The following TASOR variants were observed in gnomAD, a reference collection of about 807,000 sequenced individuals.
TASOR encodes transcription activation suppressor.
Under a neutral mutation model 178.6 loss-of-function variants are expected in TASOR, and 53 were observed. The observed-to-expected ratio is 0.30, with a 90% CI of 0.24 to 0.37. The LOEUF is 0.37. Among genes scored for constraint, TASOR ranks in the 10% least tolerant of loss-of-function variants. TASOR has a pLI of 1.00. For synonymous variants in TASOR, 713 were observed against 696.2 expected (o/e 1.02, Z -0.38); for missense variants, 1,815 against 1,971.4 (o/e 0.92, Z 1.50).
intron 8 of TASOR, 62 bp from the exon 9 acceptor site, chr3:56,662,552 C>A: frequency 2.5e-5 from 17 of 680,374 alleles, no homozygotes; most frequent in South Asian, 6.4e-5. Flanking sequence ...AGTGAGTGCA[C>A]ATTTATTAGA....
intron 5 of TASOR, 115 bp downstream of exon 5, chr3:56,669,585 C>T: frequency 1.6e-6 from 1 of 625,458 alleles, no homozygotes; most frequent in Non-Finnish European, 2.7e-6. Context: ...TCTTTAAGTA[C>T]CAAACACTAA....
At chr3:56,661,978 A>AC (rs1482721077) in intron 9 of TASOR, among the ~76,000 whole-genome samples, 1 of 151,390 alleles carries the variant, frequency 6.6e-6, no homozygotes, top group Non-Finnish European at 1.5e-5. Flanking sequence ...ATACAAAAAA[A>AC]AATTAGCTGG....
intron 21 of TASOR, among the ~76,000 whole-genome samples, 161 bp downstream of exon 21, chr3:56,626,876 T>C (rs2076811026): frequency 6.6e-6 from 1 of 152,146 alleles, no homozygotes; most frequent in Non-Finnish European, 1.5e-5. Flanking sequence ...ATACTGCTTC[T>C]TATAAAGGCT....
chr3:56,641,119 A>G (rs545414495), intron 15 of TASOR, among the ~76,000 whole-genome samples: 20 of 152,240 alleles, frequency 1.3e-4, no homozygotes, highest in Admixed American at 1.2e-3. Context: ...TATCACAAGT[A>G]AACTGTAGAC....
chr3:56,662,343 G>A (rs1043842983), intron 9 of TASOR, 42 bp downstream of exon 9: 2 of 1,030,726 alleles, frequency 1.9e-6, no homozygotes, highest in Non-Finnish European at 2.9e-6. Context: ...TCAAGAAAGT[G>A]ATAAAATTAG....
At chr3:56,664,893 G>A (rs781591468) in intron 7 of TASOR, among the ~76,000 whole-genome samples, 2 of 152,150 alleles carry the variant, frequency 1.3e-5, no homozygotes, top group African/African-American at 4.8e-5. Flanking sequence ...GAAATCATCA[G>A]GCCAAGTGTG....
intron 11 of TASOR, among the ~76,000 whole-genome samples, chr3:56,651,264 T>C (rs1371609458): frequency 6.8e-6 from 1 of 146,530 alleles, no homozygotes; most frequent in East Asian, 1.9e-4. Flanking sequence ...TGTTTGGTTA[T>C]TCTTAAAAAA....
chr3:56,624,995 T>C lies in TASOR; in HGVS notation c.4151A>G (p.Lys1384Arg). ...KLKELGRLNAKALSLLTLLNV... is the reference protein window; with the variant it reads ...KLKELGRLNARALSLLTLLNV... ...CAGAAGCGTCAACAGACTTAGAGCT[T>C]TAGCATTCAATCTGTGAAATTAAGC... The change falls in exon 22 of 24, where the codon AAA (lysine) becomes AGA (arginine). Residue 1384 changes from lysine (K) to arginine (R), a missense_variant. By Grantham distance (26) the Lys-to-Arg change is conservative (BLOSUM62 2). Around this residue, in one of 5 missense-constraint regions of TASOR, gnomAD observed 134 missense variants for 195.2 expected, o/e 0.69. Transcript: ENST00000683822. 1 of 1,613,880 alleles carries C rather than the reference T, an allele frequency of 6.2e-7. No individual in the cohort carries two copies. The highest frequency in any genetic ancestry group is 1.1e-5 in the South Asian group (1 of 91,026).
chr3:56,674,585 T>C (rs1008153668), intron 1 of TASOR, among the ~76,000 whole-genome samples: 24 of 152,206 alleles, frequency 1.6e-4, no homozygotes, highest in Admixed American at 3.9e-4. Context: ...AGAACATTTA[T>C]TATGACAACT....
At chr3:56,645,209 G>A (rs112773699) in intron 14 of TASOR, among the ~76,000 whole-genome samples, 1 of 152,218 alleles carries the variant, frequency 6.6e-6, no homozygotes, top group Admixed American at 6.5e-5. Context: ...GGTAGGCAGA[G>A]GTTGCAGTGA....
intron 1 of TASOR, among the ~76,000 whole-genome samples, chr3:56,674,195 T>C (rs2031035097): frequency 7.8e-6 from 1 of 127,802 alleles, no homozygotes; most frequent in African/African-American, 3.2e-5. Context: ...CACTGGTCTT[T>C]AAGTTTAAAA....
chr3:56,675,397 G>A (rs1279348024), intron 1 of TASOR, among the ~76,000 whole-genome samples: 1 of 149,994 alleles, frequency 6.7e-6, no homozygotes, highest in African/African-American at 2.5e-5. Context: ...GGCTGGTCTC[G>A]AACCCCTGAC....
chr3:56,646,268 G>A (rs781665267), intron 14 of TASOR, among the ~76,000 whole-genome samples: 10 of 152,224 alleles, frequency 6.6e-5, no homozygotes, highest in Non-Finnish European at 1.3e-4. Context: ...AGTGTTTCCT[G>A]TACTGGGCCA....
Position 56,682,896 on chromosome 3 carries a change from G to C in TASOR, c.111C>G (p.Ser37=), listed in dbSNP as rs914914891. The C allele has an allele frequency of 2.6e-6, 4 of 1,539,632 alleles. No individual in the cohort carries two copies. Among genetic ancestry groups the C allele is most frequent in the Non-Finnish European group, 3.5e-6 (4 of 1,137,692 alleles). ...MKQALPELES[S]QQNGGGGGLN... is the part of the protein sequence containing the mutation. ...GGCCGCCGCCGCCGCCATTTTGTTG[G>C]GAGGACTCAAGCTCCGGAAGCGCCT... The change falls in exon 1 of 24, where the codon TCC becomes TCG. Residue 37 remains serine (S), a synonymous_variant. Transcript: ENST00000683822.
At chr3:56,678,289 C>G (rs1383578399) in intron 1 of TASOR, among the ~76,000 whole-genome samples, 1 of 145,568 alleles carries the variant, frequency 6.9e-6, no homozygotes, top group Non-Finnish European at 1.5e-5. Context: ...TCAAGCTATT[C>G]TCCTGCCTCA....
chr3:56,668,478 T>G lies in TASOR; in HGVS notation c.816A>C (p.Thr272=). ...TTGACACGTGACATTCATGCTTTGG[T>G]GTGGGGTCCAAAGCACTCTTATTTA... The part of the protein sequence containing the change: ...SMLNKSALDP[T]PKHECHVSKN... The change falls in exon 6 of 24, where the codon ACA becomes ACC. Residue 272 remains threonine (T), a synonymous_variant. Coordinates refer to ENST00000683822, the MANE Select transcript of TASOR (RefSeq NM_001365635.2). 1 of 1,551,294 alleles carries G rather than the reference T, an allele frequency of 6.4e-7. No individual in the cohort carries two copies. Among genetic ancestry groups the G allele is most frequent in the Non-Finnish European group, 8.7e-7 (1 of 1,146,642 alleles).
chr3:56,680,104 T>G (rs2031662731), intron 1 of TASOR, among the ~76,000 whole-genome samples: 1 of 152,168 alleles, frequency 6.6e-6, no homozygotes, highest in Non-Finnish European at 1.5e-5. Flanking sequence ...AACCCTTAGA[T>G]TATTCAAACT....
At position 56,641,334 on chromosome 3, in the gene TASOR, C is replaced by G. The variant is rs368485303; in HGVS notation, c.2619+15G>C. ...CACTCACAAACACAAAGGTAACCAACAGCTATATGCTTACTTCTTTCAAAT... is the reference window on the plus strand; with the variant it reads ...CACTCACAAACACAAAGGTAACCAAGAGCTATATGCTTACTTCTTTCAAAT... On this transcript the variant is annotated intron_variant, in intron 15 of 23. Coordinates refer to ENST00000683822, the MANE Select transcript of TASOR (RefSeq NM_001365635.2). 3.1e-5 allele frequency: 49 copies of G among 1,565,094 alleles called. No homozygotes were observed. The East Asian group carries it at 4.1e-4, about 13-fold the overall frequency.
At chr3:56,674,605 G>A (rs1000893903) in intron 1 of TASOR, among the ~76,000 whole-genome samples, 3 of 152,180 alleles carry the variant, frequency 2.0e-5, no homozygotes, top group Non-Finnish European at 4.4e-5. Context: ...TTAGTAAAAT[G>A]AAAACATGTG....
Sources: allele counts gnomAD v4.1 joint callset (sites outside exome capture counted in the v4.1 genomes callset), GRCh38; gene constraint gnomAD v4.1.1; regional missense constraint gnomAD v4.1.1; transcripts MANE v1.5; gene names NCBI Gene and HGNC (gene_info 2026-07-23, HGNC 2026-07-21).